C1orf87: variants seen among roughly 807,000 people sequenced by gnomAD.
C1orf87 encodes the protein uncharacterized protein C1orf87.
Under a neutral mutation model 60.5 loss-of-function variants are expected in C1orf87, and 58 were observed. The observed-to-expected ratio is 0.96, with a 90% CI of 0.78 to 1.19. C1orf87 has a LOEUF of 1.19. Ranked by LOEUF, C1orf87 falls within the 50% of genes most tolerant of loss-of-function variation. The pLI is 0.00. For synonymous variants in C1orf87, 236 were observed against 227.4 expected (o/e 1.04, Z -0.34); for missense variants, 673 against 638.6 (o/e 1.05, Z -0.58).
intron 8 of C1orf87, among the ~76,000 whole-genome samples, chr1:60,011,885 G>A (rs924871875): frequency 3.9e-5 from 6 of 152,016 alleles, no homozygotes; most frequent in Non-Finnish European, 8.8e-5. Flanking sequence ...AGAGTTTCAT[G>A]CCACTTTGGG....
At chr1:60,058,463 C>A (rs1645472097) in intron 2 of C1orf87, among the ~76,000 whole-genome samples, 2 of 152,000 alleles carry the variant, frequency 1.3e-5, no homozygotes, top group Non-Finnish European at 2.9e-5. Flanking sequence ...ATGAACATTA[C>A]AAAGATTCAG....
intron 8 of C1orf87, among the ~76,000 whole-genome samples, chr1:60,020,024 T>C (rs1474363760): frequency 3.9e-5 from 6 of 152,214 alleles, no homozygotes; most frequent in Non-Finnish European, 8.8e-5. Context: ...AAAGTCAAGC[T>C]GGCTGCAGAA....
intron 8 of C1orf87, among the ~76,000 whole-genome samples, chr1:60,014,287 G>A (rs962730856): frequency 6.6e-6 from 1 of 152,136 alleles, no homozygotes; most frequent in Non-Finnish European, 1.5e-5. Context: ...TTGTGGTGAA[G>A]GGATAGAGTA....
chr1:60,059,416 G>A (rs992352718), intron 2 of C1orf87, among the ~76,000 whole-genome samples: 2 of 152,192 alleles, frequency 1.3e-5, no homozygotes, highest in African/African-American at 4.8e-5. Flanking sequence ...AGAGCAATTA[G>A]AGAGGATTAC....
intron 11 of C1orf87, among the ~76,000 whole-genome samples, chr1:59,996,957 G>A (rs927596496): frequency 1.3e-5 from 2 of 152,184 alleles, no homozygotes; most frequent in African/African-American, 2.4e-5. Flanking sequence ...GATGATGGAT[G>A]TTAAAGAATC....
chr1:60,029,637 G>GTTTTTTT (rs34501342), intron 7 of C1orf87, among the ~76,000 whole-genome samples: 4 of 95,652 alleles, frequency 4.2e-5, no homozygotes, highest in African/African-American at 4.2e-5. Context: ...GTCCCCCCAA[G>GTTTTTTT]TTTTTTTTTT....
intron 8 of C1orf87, among the ~76,000 whole-genome samples, chr1:60,013,933 T>C (rs989181916): frequency 1.3e-5 from 2 of 152,162 alleles, no homozygotes; most frequent in African/African-American, 4.8e-5. Context: ...TGGTATAGTA[T>C]GCCATAAGCT....
chr1:60,072,655 A>G lies in C1orf87; in HGVS notation c.-12T>C, dbSNP rs1466335831. 1 of 1,584,942 alleles carries G rather than the reference A, an allele frequency of 6.3e-7. No individual in the cohort carries two copies. The highest frequency in any genetic ancestry group is 1.1e-5 in the South Asian group (1 of 88,672). On this transcript the variant is annotated 5_prime_UTR_variant, in exon 2 of 12. Coordinates refer to ENST00000371201, the MANE Select transcript of C1orf87 (RefSeq NM_152377.3). ...CAGGCTGAAGACATGATTCCTTTCA[A>G]AATCCCTTCAGATCCCTAGGGGTGA...
intron 5 of C1orf87, 75 bp downstream of exon 5, chr1:60,039,841 CT>C: frequency 6.8e-7 from 1 of 1,470,158 alleles, no homozygotes; most frequent in Non-Finnish European, 9.2e-7. Context: ...TAGCTAACTT[CT>C]TAGTCTTTTA....
intron 11 of C1orf87, among the ~76,000 whole-genome samples, chr1:59,991,454 C>G (rs1019694783): frequency 6.6e-6 from 1 of 152,168 alleles, no homozygotes; most frequent in African/African-American, 2.4e-5. Context: ...CTTGTAACAC[C>G]TAATACAATG....
In C1orf87 at chr1:60,040,111, G is replaced by A. The variant is rs12737449; in HGVS notation, c.553C>T (p.Leu185Phe). ...TTGGAACTCAAAGGACGTGACTTGA[G>A]TTCTCTTCTGACCAGGGCAAGAAGA... ...AFLLALVRRE[L>F]KSRPLSSNLL... The change falls in exon 5 of 12, where the codon CTC (leucine) becomes TTC (phenylalanine). Residue 185 changes from leucine (L) to phenylalanine (F), a missense_variant. By Grantham distance (22) the Leu-to-Phe change is conservative. Transcript: ENST00000371201. The A allele has an allele frequency of 5.0e-6, 8 of 1,614,132 alleles. No individual in the cohort carries two copies. Among genetic ancestry groups the A allele is most frequent in the South Asian group, 3.3e-5 (3 of 91,080 alleles).
At chr1:60,032,627 G>A (rs1264707705) in intron 7 of C1orf87, among the ~76,000 whole-genome samples, 1 of 151,792 alleles carries the variant, frequency 6.6e-6, no homozygotes, top group Non-Finnish European at 1.5e-5. Flanking sequence ...TTTTAGTAGA[G>A]ATGGGGTTTC....
rs973884999 is a variant in C1orf87 at position 60,010,435 on chromosome 1, C to T, written c.1149G>A (p.Met383Ile). The T allele has an allele frequency of 6.2e-7, 1 of 1,612,286 alleles. No homozygotes were observed. The highest frequency in any genetic ancestry group is 1.1e-5 in the South Asian group (1 of 90,996). ...NEIKWQNFVE[M>I]LTRASSDLLS... ...ACAAATCAGAAGAAGCTCTGGTCAG[C>T]ATCTCAACAAAATTCTGCCATCTGT... The change falls in exon 9 of 12, where the codon ATG becomes ATA. Residue 383 changes from methionine (M) to isoleucine (I), a missense_variant. Coordinates refer to ENST00000371201, the MANE Select transcript of C1orf87 (RefSeq NM_152377.3).
At chr1:60,051,444 G>A (rs1288036789) in intron 3 of C1orf87, among the ~76,000 whole-genome samples, 1 of 152,166 alleles carries the variant, frequency 6.6e-6, no homozygotes, top group African/African-American at 2.4e-5. Flanking sequence ...CTCTTAAAAT[G>A]TTTCCATCAG....
chr1:60,044,942 A>G (rs1008716135), intron 3 of C1orf87, among the ~76,000 whole-genome samples: 1 of 152,238 alleles, frequency 6.6e-6, no homozygotes, highest in East Asian at 1.9e-4. Context: ...AAGCACAAAA[A>G]TCTAACACAG....
intron 3 of C1orf87, among the ~76,000 whole-genome samples, chr1:60,054,190 T>C (rs1645436086): frequency 6.6e-6 from 1 of 152,190 alleles, no homozygotes; most frequent in Non-Finnish European, 1.5e-5. Context: ...AACTGGAGAC[T>C]AAGAGGCTTG....
At chr1:60,062,149 C>T (rs1235926430) in intron 2 of C1orf87, among the ~76,000 whole-genome samples, 1 of 152,174 alleles carries the variant, frequency 6.6e-6, no homozygotes, top group East Asian at 1.9e-4. Flanking sequence ...CTCCTCTCCT[C>T]TCTTCAGACC....
intron 8 of C1orf87, chr1:60,010,830 C>CA (rs1166507280): frequency 1.3e-5 from 2 of 152,834 alleles, no homozygotes; most frequent in East Asian, 1.9e-4. Flanking sequence ...CAAAACAAAA[C>CA]AAAAAAACAC....
At position 60,033,447 on chromosome 1, in the gene C1orf87, G is replaced by A. The variant is rs1392521698; in HGVS notation, c.1029+29C>T. On this transcript the variant is annotated intron_variant, in intron 7 of 11. Coordinates refer to ENST00000371201, the MANE Select transcript of C1orf87 (RefSeq NM_152377.3). The stretch of plus-strand genomic sequence containing the variant: ...ATGCCCTGAAGTGGCCTTTACAGAG[G>A]AACAAATCTGAAATTGAATTTTGGT... 6 of 1,604,212 alleles carry A rather than the reference G, an allele frequency of 3.7e-6. No homozygotes were observed. The East Asian group carries it at 1.1e-4, about 30-fold the overall frequency.
Sources: allele counts gnomAD v4.1 joint callset (sites outside exome capture counted in the v4.1 genomes callset), GRCh38; gene constraint gnomAD v4.1.1; transcripts MANE v1.5; gene names NCBI Gene and HGNC (gene_info 2026-07-23, HGNC 2026-07-21).